The following TAFA1 variants were observed in gnomAD, a reference collection of about 807,000 sequenced individuals.
The protein encoded by TAFA1 is chemokine-like protein TAFA-1.
TAFA1 carries 4 observed loss-of-function variants against 18.5 expected under a neutral mutation model. That is an observed-to-expected ratio of 0.22 (90% confidence interval 0.11 to 0.49). The LOEUF is 0.49. TAFA1 is among the 20% of genes least tolerant of loss of function. The pLI is 0.98. For missense variants in TAFA1, 147 were observed against 169.0 expected, an observed-to-expected ratio of 0.87 and a Z score of 0.72; for synonymous variants, 56 against 55.2, an observed-to-expected ratio of 1.01 and a Z score of -0.06.
At chr3:68,169,410 A>G (rs1282691301) in intron 2 of TAFA1, among the ~76,000 whole-genome samples, 1 of 152,264 alleles carries the variant, frequency 6.6e-6, no homozygotes, top group African/African-American at 2.4e-5. Flanking sequence ...ATCTGATTAC[A>G]AATGAGGAAA....
At chr3:68,336,900 T>C (rs2068978491) in intron 2 of TAFA1, among the ~76,000 whole-genome samples, 1 of 152,090 alleles carries the variant, frequency 6.6e-6, no homozygotes, top group South Asian at 2.1e-4. Flanking sequence ...ATTTTCTTAT[T>C]TTTAGAAGAG....
intron 2 of TAFA1, among the ~76,000 whole-genome samples, chr3:68,227,337 T>C (rs2107107535): frequency 6.6e-6 from 1 of 152,302 alleles, no homozygotes; most frequent in South Asian, 2.1e-4. Context: ...TAATTTCCTT[T>C]CCTGCTAAAA....
chr3:68,538,499 G>T (rs571287056), intron 3 of TAFA1, among the ~76,000 whole-genome samples: 5 of 152,142 alleles, frequency 3.3e-5, no homozygotes. Context: ...TTCTCTTACT[G>T]TCATAATTTT....
At chr3:68,130,336 G>A (rs2065521436) in intron 2 of TAFA1, among the ~76,000 whole-genome samples, 1 of 152,214 alleles carries the variant, frequency 6.6e-6, no homozygotes, top group Admixed American at 6.5e-5. Context: ...ATTTGGGGCA[G>A]TGGAGCCTTT....
At chr3:68,263,995 ATAAAG>A in intron 2 of TAFA1, among the ~76,000 whole-genome samples, 1 of 152,226 alleles carries the variant, frequency 6.6e-6, no homozygotes, top group Non-Finnish European at 1.5e-5. Flanking sequence ...TTCGGTCAAA[ATAAAG>A]TAGATTTGAG....
chr3:68,117,218 C>G (rs759676632), intron 2 of TAFA1, among the ~76,000 whole-genome samples: 1 of 152,134 alleles, frequency 6.6e-6, no homozygotes, highest in Non-Finnish European at 1.5e-5. Context: ...TCCCTTGGAG[C>G]CAGTCTGGGG....
chr3:68,204,012 C>T (rs1399282297), intron 2 of TAFA1, among the ~76,000 whole-genome samples: 1 of 139,934 alleles, frequency 7.1e-6, no homozygotes, highest in Non-Finnish European at 1.5e-5. Context: ...TTGTCTACAC[C>T]AACCCTTCAG....
At chr3:68,121,184 A>G (rs571833151) in intron 2 of TAFA1, among the ~76,000 whole-genome samples, 12 of 151,852 alleles carry the variant, frequency 7.9e-5, no homozygotes, top group African/African-American at 2.7e-4. Flanking sequence ...ATGCTTTTTT[A>G]TAATGCATCT....
chr3:68,365,318 G>A (rs150828013), intron 2 of TAFA1, among the ~76,000 whole-genome samples: 8 of 152,172 alleles, frequency 5.3e-5, no homozygotes, highest in Non-Finnish European at 8.8e-5. Context: ...TTTTCTGGCC[G>A]CTCTACCTGC....
At chr3:68,465,261 G>C (rs1419545343) in intron 3 of TAFA1, among the ~76,000 whole-genome samples, 6 of 152,176 alleles carry the variant, frequency 3.9e-5, no homozygotes, top group African/African-American at 1.2e-4. Flanking sequence ...TAGCTTTGCA[G>C]CAGATACCTT....
chr3:68,235,904 C>G (rs901052322), intron 2 of TAFA1, among the ~76,000 whole-genome samples: 1 of 152,090 alleles, frequency 6.6e-6, no homozygotes, highest in African/African-American at 2.4e-5. Context: ...ATCTTCCTCA[C>G]AAAGGTTGAG....
chr3:68,320,125 C>A (rs2068675570), intron 2 of TAFA1, among the ~76,000 whole-genome samples: 1 of 152,126 alleles, frequency 6.6e-6, no homozygotes, highest in Non-Finnish European at 1.5e-5. Context: ...TATCAAACCC[C>A]TTTTCTTTTC....
chr3:68,456,157 G>C (rs761670117), intron 3 of TAFA1, among the ~76,000 whole-genome samples: 10 of 152,064 alleles, frequency 6.6e-5, no homozygotes, highest in Non-Finnish European at 1.5e-4. Context: ...AAGGATTCTT[G>C]TTGTGCAGGC....
At chr3:68,160,001 G>C (rs889196409) in intron 2 of TAFA1, among the ~76,000 whole-genome samples, 2 of 152,136 alleles carry the variant, frequency 1.3e-5, no homozygotes, top group Non-Finnish European at 2.9e-5. Context: ...TTGTTAATTG[G>C]ACTCTGCAAG....
At chr3:68,472,390 C>G (rs907315206) in intron 3 of TAFA1, among the ~76,000 whole-genome samples, 2 of 152,034 alleles carry the variant, frequency 1.3e-5, no homozygotes, top group African/African-American at 4.8e-5. Context: ...AAGCCTCTTT[C>G]CTTTATAAAT....
intron 2 of TAFA1, among the ~76,000 whole-genome samples, chr3:68,412,477 T>C (rs2070736235): frequency 6.6e-6 from 1 of 152,154 alleles, no homozygotes; most frequent in Non-Finnish European, 1.5e-5. Flanking sequence ...GCTGCACCTG[T>C]TAGCTCGTCA....
At position 68,348,501 on chromosome 3, in the gene TAFA1, A is replaced by G. The variant is rs143661974; in HGVS notation, c.119-68779A>G. Among the ~76,000 whole-genome samples, 513 of 152,298 alleles carry G rather than the reference A, an allele frequency of 3.4e-3. 1 individual carries two copies. The highest frequency in any genetic ancestry group is 5.9e-3 in the Non-Finnish European group (400 of 68,022). On this transcript the variant is annotated intron_variant, in intron 2 of 4. Transcript: ENST00000478136. ...TTGAACTAGAAATTTCGGTGATAGA[A>G]AACCATTGCAAGCTACCTGAGACCT...
intron 2 of TAFA1, among the ~76,000 whole-genome samples, chr3:68,039,707 TTGA>T (rs1486439877): frequency 6.6e-6 from 1 of 152,166 alleles, no homozygotes; most frequent in African/African-American, 2.4e-5. Context: ...TTGGAGGTCA[TTGA>T]TGATCTCCAG....
At chr3:68,351,317 G>T (rs1397518034) in intron 2 of TAFA1, among the ~76,000 whole-genome samples, 1 of 152,038 alleles carries the variant, frequency 6.6e-6, no homozygotes, top group Non-Finnish European at 1.5e-5. Context: ...CCTAGGATAG[G>T]TTCTGGAAAT....
Sources: gnomAD v4.1 joint callset for allele counts (sites outside exome capture counted in the v4.1 genomes callset) on GRCh38, gnomAD v4.1.1 for gene constraint, MANE v1.5 for transcripts, NCBI Gene and HGNC (gene_info 2026-07-23, HGNC 2026-07-21) for gene names.